Variants in TENM2 observed in about 807,000 individuals in gnomAD.
TENM2 encodes teneurin transmembrane protein 2.
A neutral mutation model predicts 245.2 loss-of-function variants in TENM2; 52 were observed. The ratio of observed to expected loss-of-function variants is 0.21; its 90% CI spans 0.17 to 0.27. TENM2 has a LOEUF of 0.27. Among genes scored for constraint, TENM2 ranks in the 10% least tolerant of loss-of-function variants. The pLI is 1.00. For missense variants in TENM2, 3,046 were observed against 3,666.8 expected (o/e 0.83, Z 4.37); for synonymous variants, 1,363 against 1,438.9 (o/e 0.95, Z 1.19).
At chr5:167,532,762 G>A (rs1044781095) in intron 2 of TENM2, among the ~76,000 whole-genome samples, 1 of 137,882 alleles carries the variant, frequency 7.3e-6, no homozygotes, top group Non-Finnish European at 1.5e-5. Context: ...ACACACATAT[G>A]TGTATATATA....
intron 3 of TENM2, among the ~76,000 whole-genome samples, chr5:167,951,059 T>A (rs1449759565): frequency 6.6e-6 from 1 of 152,234 alleles, no homozygotes; most frequent in Non-Finnish European, 1.5e-5. Flanking sequence ...TTTTTCCTTC[T>A]TGTTTTTGTT....
intron 2 of TENM2, among the ~76,000 whole-genome samples, chr5:167,539,971 G>A (rs767438351): frequency 3.9e-5 from 6 of 152,212 alleles, no homozygotes; most frequent in Admixed American, 2.0e-4. Flanking sequence ...AAGATTAATC[G>A]CTCATGGGAG....
intron 3 of TENM2, among the ~76,000 whole-genome samples, chr5:167,928,750 G>T (rs973737917): frequency 1.3e-5 from 2 of 151,592 alleles, no homozygotes; most frequent in South Asian, 4.2e-4. Flanking sequence ...AAAAAAATTA[G>T]CTAGATGTGG....
chr5:167,079,177 A>G, the TENM2 span, among the ~76,000 whole-genome samples: 17 of 151,836 alleles, frequency 1.1e-4, no homozygotes, highest in African/African-American at 3.9e-4. Context: ...GCAAATTCAC[A>G]AATATGGAAT....
At chr5:168,062,748 G>A (rs963674533) in intron 7 of TENM2, among the ~76,000 whole-genome samples, 3 of 152,182 alleles carry the variant, frequency 2.0e-5, no homozygotes, top group African/African-American at 7.2e-5. Context: ...AAAACACTAT[G>A]CAAAGTGAAA....
chr5:168,161,079 A>G (rs1314001258), intron 12 of TENM2, among the ~76,000 whole-genome samples: 2 of 152,170 alleles, frequency 1.3e-5, no homozygotes, highest in African/African-American at 4.8e-5. Context: ...CAGCATTCTC[A>G]TAAGGGGTAC....
At chr5:167,632,680 A>T (rs1778952788) in intron 2 of TENM2, among the ~76,000 whole-genome samples, 1 of 152,020 alleles carries the variant, frequency 6.6e-6, no homozygotes, top group Non-Finnish European at 1.5e-5. Flanking sequence ...ACGCACACAC[A>T]CCATGCACAT....
At chr5:168,125,140 A>G in intron 11 of TENM2, 90 bp downstream of exon 13, 2 of 1,136,162 alleles carry the variant, frequency 1.8e-6, no homozygotes, top group Middle Eastern at 2.9e-4. Flanking sequence ...TACTCTTAAT[A>G]CTTAGCTGGG....
At chr5:167,875,888 TTTA>T in intron 2 of TENM2, 95 bp from the exon 5 acceptor site, 1 of 756,130 alleles carries the variant, frequency 1.3e-6, no homozygotes, top group Non-Finnish European at 2.1e-6. Context: ...TTTTTTTTTT[TTTA>T]ATATTTATAT....
At chr5:167,706,606 T>C (rs965206342) in intron 2 of TENM2, among the ~76,000 whole-genome samples, 4 of 152,108 alleles carry the variant, frequency 2.6e-5, no homozygotes, top group Non-Finnish European at 4.4e-5. Flanking sequence ...CTTTGAATAT[T>C]TACCCAGAGG....
the TENM2 span, among the ~76,000 whole-genome samples, chr5:167,268,645 A>G: frequency 6.6e-6 from 1 of 152,172 alleles, no homozygotes; most frequent in Non-Finnish European, 1.5e-5. Flanking sequence ...TGGGGGTCAA[A>G]TGGAACTTGC....
chr5:167,212,107 A>G, the TENM2 span, among the ~76,000 whole-genome samples: 1 of 152,186 alleles, frequency 6.6e-6, no homozygotes, highest in African/African-American at 2.4e-5. Flanking sequence ...ACGGTAGAGA[A>G]GATTGCTTTT....
At chr5:168,026,292 G>A (rs1228428326) in intron 5 of TENM2, among the ~76,000 whole-genome samples, 1 of 152,156 alleles carries the variant, frequency 6.6e-6, no homozygotes, top group Admixed American at 6.5e-5. Context: ...ACTGACGTGA[G>A]GATTAGCAAT....
rs1161669705 is a variant in TENM2, at chr5:167,880,046, C to CT, written c.712+3858dup. ...ATGTAACAGCTTATAAAAATCGTTACTTTTTTTATTTTTGAGACAAAGTCT... is the reference window on the plus strand; with the variant it reads ...ATGTAACAGCTTATAAAAATCGTTACTTTTTTTTATTTTTGAGACAAAGTCT... On this transcript the variant is annotated intron_variant, in intron 3 of 28. Coordinates refer to ENST00000518659, the Ensembl canonical transcript of TENM2. Among the ~76,000 whole-genome samples, 9 of 152,114 alleles carry CT rather than the reference C, an allele frequency of 5.9e-5. No homozygotes were observed. The East Asian group carries it at 1.4e-3, about 23-fold the overall frequency.
chr5:167,851,919 A>G (rs1770618915), intron 2 of TENM2, among the ~76,000 whole-genome samples: 1 of 152,154 alleles, frequency 6.6e-6, no homozygotes, highest in Non-Finnish European at 1.5e-5. Context: ...TTATCCTATA[A>G]TTTTTTTAAA....
intron 13 of TENM2, among the ~76,000 whole-genome samples, chr5:168,170,364 C>T (rs1758694886): frequency 6.6e-6 from 1 of 152,066 alleles, no homozygotes; most frequent in African/African-American, 2.4e-5. Flanking sequence ...ATTAGCCGGG[C>T]ATAGTGGCTC....
the TENM2 span, among the ~76,000 whole-genome samples, chr5:167,170,745 A>G: frequency 8.5e-5 from 13 of 152,134 alleles, no homozygotes; most frequent in African/African-American, 3.1e-4. Context: ...GTTTCCAAAC[A>G]CTTCACCAAA....
At chr5:167,012,389 A>G in the TENM2 span, among the ~76,000 whole-genome samples, 1 of 152,192 alleles carries the variant, frequency 6.6e-6, no homozygotes, top group East Asian at 1.9e-4. Flanking sequence ...TCTAGTGAGG[A>G]GGAGACAAAT....
At chr5:167,918,713 G>T (rs1227001290) in intron 3 of TENM2, among the ~76,000 whole-genome samples, 1 of 151,920 alleles carries the variant, frequency 6.6e-6, no homozygotes, top group Non-Finnish European at 1.5e-5. Context: ...TAAGCATTTG[G>T]CCAGCACCTC....
Sources: gnomAD v4.1 joint callset for allele counts (sites outside exome capture counted in the v4.1 genomes callset) on GRCh38, gnomAD v4.1.1 for gene constraint, MANE v1.5 for transcripts, NCBI Gene and HGNC (gene_info 2026-07-23, HGNC 2026-07-21) for gene names.